The following AP1S3 variants were observed in gnomAD, a reference collection of about 807,000 sequenced individuals.
AP1S3 encodes adaptor related protein complex 1 subunit sigma 3.
Under a neutral mutation model 20.9 loss-of-function variants are expected in AP1S3, and 10 were observed. That is an observed-to-expected ratio of 0.48 (90% CI 0.29 to 0.81). The LOEUF is 0.81. Ranked by LOEUF, AP1S3 falls within the 30% of genes least tolerant of loss-of-function variation. AP1S3 has a pLI of 0.08. For synonymous variants in AP1S3, 41 were observed against 61.5 expected, an observed-to-expected ratio of 0.67 and a Z score of 1.56; for missense variants, 154 against 183.8, an observed-to-expected ratio of 0.84 and a Z score of 0.94.
At chr2:223,827,574 CG>C (rs758397396) in intron 1 of AP1S3, among the ~76,000 whole-genome samples, 45 of 151,902 alleles carry the variant, frequency 3.0e-4, no homozygotes, top group Non-Finnish European at 5.6e-4. Context: ...TCAGTAGAAA[CG>C]GGGCTTTACC....
intron 1 of AP1S3, among the ~76,000 whole-genome samples, chr2:223,829,233 T>C (rs927620439): frequency 5.3e-5 from 8 of 152,222 alleles, no homozygotes; most frequent in East Asian, 1.9e-4. Flanking sequence ...AATATACCTA[T>C]GATGAGTTAG....
chr2:223,776,043 C>T, intron 2 of AP1S3, 34 bp from the exon 3 acceptor site: 2 of 1,549,518 alleles, frequency 1.3e-6, no homozygotes, highest in Non-Finnish European at 8.9e-7. Flanking sequence ...CAAAATATGA[C>T]AATACATTAA....
chr2:223,813,775 G>T (rs1691786282), intron 1 of AP1S3, among the ~76,000 whole-genome samples: 1 of 152,184 alleles, frequency 6.6e-6, no homozygotes, highest in Non-Finnish European at 1.5e-5. Context: ...AGTGAAAGAG[G>T]TAAGAAGGGA....
At chr2:223,811,800 A>T (rs190774456) in intron 1 of AP1S3, among the ~76,000 whole-genome samples, 50 of 152,254 alleles carry the variant, frequency 3.3e-4, no homozygotes, top group Non-Finnish European at 5.9e-4. Context: ...GTATCCTATA[A>T]TTGTCTTAAG....
chr2:223,777,830 G>A lies in AP1S3; in HGVS notation c.43C>T (p.Arg15Trp), dbSNP rs367791503. 1.1e-5 allele frequency: 18 copies of A among 1,613,692 alleles called. No individual in the cohort carries two copies. In the Admixed American group the frequency reaches 1.2e-4, roughly 10 times the overall value. Reference sequence around the variant, plus strand: ...AGAGTGATGTACCATTTCTGTAGCCGTAATTTCCCTTGTCGACTGAAGAGC... The same window carrying A: ...AGAGTGATGTACCATTTCTGTAGCCATAATTTCCCTTGTCGACTGAAGAGC... ...ILLFSRQGKL[R>W]LQKWYITLPD... is the part of the protein sequence containing the mutation. The change falls in exon 2 of 5, where the codon CGG becomes TGG. Residue 15 changes from arginine to tryptophan, a missense_variant. Coordinates refer to ENST00000396654, the MANE Select transcript of AP1S3 (RefSeq NM_001039569.2).
chr2:223,783,238 G>T (rs1690990615), intron 1 of AP1S3, among the ~76,000 whole-genome samples: 1 of 152,106 alleles, frequency 6.6e-6, no homozygotes, highest in Non-Finnish European at 1.5e-5. Context: ...ATCCAGGGAG[G>T]CGTGGTGACT....
chr2:223,766,130 C>T (rs577675128), intron 3 of AP1S3, among the ~76,000 whole-genome samples: 1 of 152,288 alleles, frequency 6.6e-6, no homozygotes, highest in South Asian at 2.1e-4. Context: ...TTCCTCTACT[C>T]ACTGACACCT....
intron 1 of AP1S3, among the ~76,000 whole-genome samples, chr2:223,827,335 T>A (rs1224007874): frequency 3.3e-5 from 5 of 152,166 alleles, no homozygotes; most frequent in Non-Finnish European, 4.4e-5. Flanking sequence ...AAAAATGTGA[T>A]ATTACTGTAA....
intron 4 of AP1S3, among the ~76,000 whole-genome samples, chr2:223,761,925 C>T (rs1690363729): frequency 6.6e-6 from 1 of 152,032 alleles, no homozygotes; most frequent in South Asian, 2.1e-4. Context: ...GTCGCTCCTA[C>T]CTATTGCAAG....
intron 1 of AP1S3, among the ~76,000 whole-genome samples, chr2:223,791,211 G>A (rs966261554): frequency 1.3e-5 from 2 of 152,152 alleles, no homozygotes; most frequent in African/African-American, 4.8e-5. Flanking sequence ...AAACCTGGCA[G>A]AGACACAACA....
chr2:223,827,222 A>G (rs1480335787), intron 1 of AP1S3, among the ~76,000 whole-genome samples: 1 of 152,226 alleles, frequency 6.6e-6, no homozygotes, highest in African/African-American at 2.4e-5. Flanking sequence ...TAGTGGACTT[A>G]GAACTGAAGA....
Position 223,823,625 on chromosome 2 carries a change from A to G in AP1S3, c.3+13823T>C, listed in dbSNP as rs1179471352. On this transcript the variant is annotated intron_variant, in intron 1 of 4. Transcript: ENST00000396654. Reference sequence around the variant, plus strand: ...ATTGAGGAGATATTGGTTGAAGGATACAAACTTTCAGTTAGACAACAGCAG... The same window carrying G: ...ATTGAGGAGATATTGGTTGAAGGATGCAAACTTTCAGTTAGACAACAGCAG... Among the ~76,000 whole-genome samples, 3 of 152,252 alleles carry G rather than the reference A, an allele frequency of 2.0e-5. No individual in the cohort carries two copies. The East Asian group carries it at 5.8e-4, about 29-fold the overall frequency.
chr2:223,810,963 A>AT (rs1691710123), intron 1 of AP1S3, among the ~76,000 whole-genome samples: 1 of 151,960 alleles, frequency 6.6e-6, no homozygotes, highest in East Asian at 1.9e-4. Context: ...ATTTTTAAAA[A>AT]TTTTTTGTGA....
intron 1 of AP1S3, among the ~76,000 whole-genome samples, chr2:223,823,590 C>G (rs1179619657): frequency 6.6e-6 from 1 of 152,028 alleles, no homozygotes; most frequent in Non-Finnish European, 1.5e-5. Flanking sequence ...GCTGGGGGGA[C>G]AGAGAAGAAA....
intron 3 of AP1S3, among the ~76,000 whole-genome samples, chr2:223,771,673 A>G (rs1327896768): frequency 6.6e-6 from 1 of 152,250 alleles, no homozygotes; most frequent in East Asian, 1.9e-4. Flanking sequence ...CATTTCACCA[A>G]CTGAATCCTT....
intron 1 of AP1S3, among the ~76,000 whole-genome samples, chr2:223,796,767 G>A (rs778494747): frequency 8.5e-5 from 13 of 152,170 alleles, no homozygotes; most frequent in Non-Finnish European, 1.5e-4. Flanking sequence ...AGGTTCAAGC[G>A]ATTCTCCCGC....
At chr2:223,820,011 G>A (rs1047486939) in intron 1 of AP1S3, among the ~76,000 whole-genome samples, 7 of 152,056 alleles carry the variant, frequency 4.6e-5, no homozygotes, top group Non-Finnish European at 1.0e-4. Context: ...TGATTTATGT[G>A]TAAAAGAGTT....
chr2:223,825,365 C>T (rs1202561100), intron 1 of AP1S3, among the ~76,000 whole-genome samples: 1 of 151,906 alleles, frequency 6.6e-6, no homozygotes, highest in Non-Finnish European at 1.5e-5. Flanking sequence ...ACCCAGTTCT[C>T]CTCCAGCACT....
intron 1 of AP1S3, among the ~76,000 whole-genome samples, chr2:223,788,290 C>A (rs138711922): frequency 6.6e-6 from 1 of 151,770 alleles, no homozygotes; most frequent in Non-Finnish European, 1.5e-5. Context: ...CATCACCACT[C>A]AGAGGACTTA....
Sources: allele counts gnomAD v4.1 joint callset (sites outside exome capture counted in the v4.1 genomes callset), GRCh38; gene constraint gnomAD v4.1.1; transcripts MANE v1.5; gene names NCBI Gene and HGNC (gene_info 2026-07-23, HGNC 2026-07-21).